Variants in COL10A1 observed in about 807,000 individuals in gnomAD.
COL10A1 encodes collagen type X alpha 1 chain.
COL10A1 carries 10 observed loss-of-function variants against 18.2 expected under a neutral mutation model. The ratio of observed to expected loss-of-function variants is 0.55; its 90% confidence interval spans 0.34 to 0.93. COL10A1 has a LOEUF of 0.93. COL10A1 is among the 40% of genes least tolerant of loss of function. COL10A1 has a pLI of 0.02. For synonymous variants in COL10A1, 330 were observed against 316.6 expected (o/e 1.04, Z -0.45); for missense variants, 897 against 853.5 (o/e 1.05, Z -0.64).
At chr6:116,211,095 G>A in the COL10A1 span, among the ~76,000 whole-genome samples, 1 of 151,990 alleles carries the variant, frequency 6.6e-6, no homozygotes, top group Non-Finnish European at 1.5e-5. Flanking sequence ...CTTGCTCTGG[G>A]GGAAACCCAC....
chr6:116,161,413 T>TA (rs896033989), upstream of COL10A1, among the ~76,000 whole-genome samples: 78 of 150,996 alleles, frequency 5.2e-4, no homozygotes, highest in African/African-American at 1.6e-3. Context: ...ATAAAGCAGA[T>TA]AAAAAAAAAG....
intron 1 of COL10A1, among the ~76,000 whole-genome samples, chr6:116,144,368 G>A (rs909458223): frequency 4.1e-4 from 63 of 152,162 alleles, no homozygotes; most frequent in African/African-American, 1.5e-3. Context: ...GGGCGTGATG[G>A]TGCACGCCTG....
At chr6:116,155,071 T>C (rs995690296) in intron 1 of COL10A1, among the ~76,000 whole-genome samples, 23 of 152,172 alleles carry the variant, frequency 1.5e-4, no homozygotes, top group African/African-American at 5.3e-4. Flanking sequence ...ACTTTAATAT[T>C]AGGCTGGTGC....
chr6:116,121,944 C>T lies in COL10A1; in HGVS notation c.172G>A (p.Glu58Lys), dbSNP rs371683017. ...CCTGGTGGACCAGGAGTACCTTGCT[C>T]TCCTCTTACTGCTATACCTAAAAGA... ...IKSKGIAVRG[E>K]QGTPGPPGPA... Residue 58 changes from glutamate (E) to lysine (K), a missense_variant, in exon 3 of 3, where the codon GAG (glutamate) becomes AAG (lysine). Coordinates refer to ENST00000651968, the MANE Select transcript of COL10A1 (RefSeq NM_000493.4). The T allele has an allele frequency of 1.4e-5, 23 of 1,612,748 alleles. No individual in the cohort carries two copies. Among genetic ancestry groups the T allele is most frequent in the Non-Finnish European group, 1.9e-5 (22 of 1,179,998 alleles).
intron 1 of COL10A1, among the ~76,000 whole-genome samples, chr6:116,149,450 T>C (rs1239357164): frequency 1.3e-5 from 2 of 152,224 alleles, no homozygotes; most frequent in Non-Finnish European, 2.9e-5. Flanking sequence ...TCCCTGCCAG[T>C]ACTAAGAGAA....
At chr6:116,162,580 TG>T (rs1266175116), upstream of COL10A1, among the ~76,000 whole-genome samples, 1 of 152,216 alleles carries the variant, frequency 6.6e-6, no homozygotes, top group Non-Finnish European at 1.5e-5. Context: ...TCACATTTAT[TG>T]ATTTGCATAT....
intron 1 of COL10A1, among the ~76,000 whole-genome samples, chr6:116,153,172 A>C (rs1023558952): frequency 1.3e-5 from 2 of 151,948 alleles, no homozygotes; most frequent in African/African-American, 4.8e-5. Context: ...ATACAACATA[A>C]TTTTTGAGTA....
At chr6:116,163,141 A>AAAAAAAAAATAT (rs761718922), upstream of COL10A1, among the ~76,000 whole-genome samples, 58 of 88,368 alleles carry the variant, frequency 6.6e-4, no homozygotes, top group African/African-American at 2.4e-3. Context: ...AAAAAAAAAA[A>AAAAAAAAAATAT]ATATATATAT....
the COL10A1 span, among the ~76,000 whole-genome samples, chr6:116,195,089 C>T: frequency 6.6e-6 from 1 of 151,972 alleles, no homozygotes; most frequent in Non-Finnish European, 1.5e-5. Flanking sequence ...TTTTGCTTGC[C>T]AGCCTAGGAT....
At chr6:116,152,446 C>G (rs891653112) in intron 1 of COL10A1, among the ~76,000 whole-genome samples, 2 of 152,012 alleles carry the variant, frequency 1.3e-5, no homozygotes, top group African/African-American at 4.8e-5. Flanking sequence ...ACTCCTGTGT[C>G]CTCTAGCTTT....
upstream of COL10A1, among the ~76,000 whole-genome samples, chr6:116,162,215 T>C (rs945871098): frequency 3.3e-4 from 51 of 152,328 alleles, no homozygotes; most frequent in African/African-American, 1.2e-3. Context: ...GATTATGTCC[T>C]CAGTGAATAG....
intron 1 of COL10A1, among the ~76,000 whole-genome samples, chr6:116,150,421 GC>G (rs1780010979): frequency 6.6e-6 from 1 of 151,928 alleles, no homozygotes; most frequent in African/African-American, 2.4e-5. Flanking sequence ...AGTAGCTGGG[GC>G]TACAGGTGCC....
At chr6:116,145,979 G>GAA (rs1779889158) in intron 1 of COL10A1, among the ~76,000 whole-genome samples, 1 of 152,188 alleles carries the variant, frequency 6.6e-6, no homozygotes, top group Non-Finnish European at 1.5e-5. Context: ...GTGCCAGGCA[G>GAA]AAATCTTTCC....
At chr6:116,166,477 T>C in the COL10A1 span, among the ~76,000 whole-genome samples, 2 of 152,296 alleles carry the variant, frequency 1.3e-5, no homozygotes, top group African/African-American at 4.8e-5. Flanking sequence ...CTTCTGTAAA[T>C]GGTATTGGGA....
At chr6:116,207,370 C>A in the COL10A1 span, among the ~76,000 whole-genome samples, 6 of 151,304 alleles carry the variant, frequency 4.0e-5, no homozygotes, top group Admixed American at 6.6e-5. Flanking sequence ...AGAGAGAAAG[C>A]AAAAAAAATC....
chr6:116,193,767 AAAAAT>A, the COL10A1 span, among the ~76,000 whole-genome samples: 2 of 35,514 alleles, frequency 5.6e-5, no homozygotes, highest in East Asian at 4.2e-4. Context: ...TTATACTGTT[AAAAAT>A]AAAAAAAGAG....
chr6:116,127,274 A>C (rs1186036149), upstream of COL10A1, among the ~76,000 whole-genome samples: 1 of 152,148 alleles, frequency 6.6e-6, no homozygotes, highest in African/African-American at 2.4e-5. Flanking sequence ...TCTCCCCTTC[A>C]AGCAATTTTC....
intron 1 of COL10A1, among the ~76,000 whole-genome samples, chr6:116,145,196 CAACA>C (rs1779866826): frequency 6.6e-6 from 1 of 152,058 alleles, no homozygotes; most frequent in East Asian, 1.9e-4. Flanking sequence ...CAGTTGTCCT[CAACA>C]GAGGACAACT....
the COL10A1 span, among the ~76,000 whole-genome samples, chr6:116,167,628 C>G: frequency 2.0e-5 from 3 of 152,126 alleles, no homozygotes; most frequent in African/African-American, 7.2e-5. Context: ...TTACTTCCTT[C>G]TTTTCTTACC....
Sources: allele counts gnomAD v4.1 joint callset (sites outside exome capture counted in the v4.1 genomes callset), GRCh38; gene constraint gnomAD v4.1.1; transcripts MANE v1.5; gene names NCBI Gene and HGNC (gene_info 2026-07-23, HGNC 2026-07-21).